IDO2: variants seen among roughly 807,000 people sequenced by gnomAD.
IDO2 encodes indoleamine 2,3-dioxygenase 2, also known as indoleamine 2,3-dioxygenase-like 1 protein.
Under a neutral mutation model 45.1 loss-of-function variants are expected in IDO2, and 46 were observed. The ratio of observed to expected loss-of-function variants is 1.02; its 90% CI spans 0.80 to 1.30. The LOEUF is 1.30. Ranked by LOEUF, IDO2 falls within the 50% of genes most tolerant of loss-of-function variation. The pLI is 0.00. For missense variants in IDO2, 544 were observed against 491.8 expected, an observed-to-expected ratio of 1.11 and a Z score of -1.00; for synonymous variants, 218 against 184.9, an observed-to-expected ratio of 1.18 and a Z score of -1.45.
At chr8:39,939,837 G>A (rs1421898472) in intron 1 of IDO2, among the ~76,000 whole-genome samples, 2 of 152,110 alleles carry the variant, frequency 1.3e-5, no homozygotes, top group Non-Finnish European at 2.9e-5. Flanking sequence ...CAGCGTTATC[G>A]ATTTAGAAAC....
chr8:39,998,788 A>G (rs2015859), intron 8 of IDO2, among the ~76,000 whole-genome samples: 111,066 of 151,058 alleles, frequency 0.74, 41,071 homozygotes, highest in East Asian at 0.92. Flanking sequence ...TTACAGGTGC[A>G]CACCACCACA....
At chr8:40,003,397 C>CAG (rs139330295) in intron 8 of IDO2, among the ~76,000 whole-genome samples, 1 of 143,910 alleles carries the variant, frequency 6.9e-6, no homozygotes, top group African/African-American at 2.6e-5. Flanking sequence ...AAAAAGAAAA[C>CAG]GAGAATATAT....
At chr8:39,981,061 C>T (rs1487593957) in intron 4 of IDO2, among the ~76,000 whole-genome samples, 1 of 100,584 alleles carries the variant, frequency 9.9e-6, no homozygotes, top group African/African-American at 3.2e-5. Context: ...CAGTGCATTG[C>T]ATTTTTTTTT....
intron 5 of IDO2, among the ~76,000 whole-genome samples, chr8:39,983,218 A>G (rs1342378570): frequency 1.3e-5 from 2 of 152,224 alleles, no homozygotes; most frequent in African/African-American, 4.8e-5. Context: ...TAATAATTCC[A>G]TCTATTCCAC....
intron 4 of IDO2, among the ~76,000 whole-genome samples, chr8:39,980,979 T>A (rs1337092814): frequency 6.6e-6 from 1 of 151,894 alleles, no homozygotes; most frequent in Admixed American, 6.6e-5. Context: ...CTCGAACTCC[T>A]GACCTCAGGT....
Position 39,976,000 on chromosome 8 carries a change from G to GA in IDO2, c.196-3066dup, listed in dbSNP as rs58079537. Reference sequence around the variant, plus strand: ...AAACTAAATAACCAATATATTTTGAGATGGTGTCTCACTTTGTCCTCCAGG... The same window carrying GA: ...AAACTAAATAACCAATATATTTTGAGAATGGTGTCTCACTTTGTCCTCCAGG... On this transcript the variant is annotated intron_variant, in intron 3 of 10. Coordinates refer to ENST00000502986, the Ensembl canonical transcript of IDO2. 1.0e-2 allele frequency among the ~76,000 whole-genome samples: 1,515 copies of GA among 152,132 alleles called. 22 individuals are homozygous for GA. The highest frequency in any genetic ancestry group is 0.034 in the African/African-American group (1,417 of 41,482).
intron 3 of IDO2, among the ~76,000 whole-genome samples, chr8:39,968,957 A>G (rs1808140469): frequency 6.6e-6 from 1 of 152,030 alleles, no homozygotes; most frequent in Non-Finnish European, 1.5e-5. Flanking sequence ...CGATGAAGAG[A>G]GTGGGGAGTA....
chr8:39,951,026 TCAAAACAAAA>T (rs71237202), intron 2 of IDO2, among the ~76,000 whole-genome samples: 21 of 147,596 alleles, frequency 1.4e-4, no homozygotes, highest in South Asian at 6.6e-4. Context: ...GAAACTCGTC[TCAAAACAAAA>T]CAAAACAAAA....
At chr8:40,006,367 A>T (rs1193179918) in intron 9 of IDO2, among the ~76,000 whole-genome samples, 3 of 152,232 alleles carry the variant, frequency 2.0e-5, no homozygotes, top group African/African-American at 7.2e-5. Context: ...TTCTGAGCAC[A>T]TTTAAGGGCA....
At chr8:39,996,122 G>A (rs1431411469) in intron 8 of IDO2, among the ~76,000 whole-genome samples, 1 of 151,328 alleles carries the variant, frequency 6.6e-6, no homozygotes, top group Non-Finnish European at 1.5e-5. Context: ...TAGCCGACCG[G>A]GAAAGGGAGT....
intron 1 of IDO2, among the ~76,000 whole-genome samples, chr8:39,946,305 A>C (rs1328459611): frequency 1.3e-5 from 2 of 152,200 alleles, no homozygotes; most frequent in East Asian, 3.8e-4. Flanking sequence ...TCAGGCCACC[A>C]AGTTGTCCTT....
At chr8:39,981,085 G>A (rs563476622) in intron 4 of IDO2, among the ~76,000 whole-genome samples, 106 of 145,746 alleles carry the variant, frequency 7.3e-4, no homozygotes, top group South Asian at 5.9e-3. Flanking sequence ...TTTTCGAGAC[G>A]GAGTCTCACT....
chr8:39,986,687 T>TAGATAGAC (rs1808428492), intron 6 of IDO2, among the ~76,000 whole-genome samples: 1 of 148,360 alleles, frequency 6.7e-6, no homozygotes, highest in African/African-American at 2.6e-5. Flanking sequence ...GATAGATAGA[T>TAGATAGAC]AGATAGATAG....
intron 3 of IDO2, among the ~76,000 whole-genome samples, chr8:39,969,226 A>T (rs80248313): frequency 0.016 from 2,512 of 152,288 alleles, 71 homozygotes; most frequent in African/African-American, 0.058. Context: ...CATTTTTCCA[A>T]TAGTGTGTAC....
intron 2 of IDO2, among the ~76,000 whole-genome samples, chr8:39,960,375 C>G (rs935944279): frequency 2.6e-5 from 4 of 152,228 alleles, no homozygotes; most frequent in African/African-American, 9.6e-5. Context: ...TCTCTCTCCT[C>G]CTTTGCTTCT....
chr8:39,953,274 G>A (rs1340394348), intron 2 of IDO2, among the ~76,000 whole-genome samples: 2 of 152,150 alleles, frequency 1.3e-5, no homozygotes, highest in South Asian at 2.1e-4. Context: ...CTCAAAGAAT[G>A]TTACATGCAA....
At chr8:39,965,575 T>C (rs1808073102) in intron 3 of IDO2, among the ~76,000 whole-genome samples, 1 of 152,166 alleles carries the variant, frequency 6.6e-6, no homozygotes, top group South Asian at 2.1e-4. Flanking sequence ...AGAAGTCATG[T>C]TCATGCATAA....
At chr8:39,968,472 T>A (rs995434031) in intron 3 of IDO2, among the ~76,000 whole-genome samples, 1 of 152,116 alleles carries the variant, frequency 6.6e-6, no homozygotes, top group Non-Finnish European at 1.5e-5. Context: ...GAAAAACCCA[T>A]GGAATTGTAT....
chr8:39,938,123 T>A (rs1382377454), intron 1 of IDO2, among the ~76,000 whole-genome samples: 1 of 152,224 alleles, frequency 6.6e-6, no homozygotes, highest in Non-Finnish European at 1.5e-5. Flanking sequence ...GATATTAGAA[T>A]ATGTTTGTTT....
Sources: allele counts gnomAD v4.1 joint callset (sites outside exome capture counted in the v4.1 genomes callset), GRCh38; gene constraint gnomAD v4.1.1; transcripts MANE v1.5; gene names NCBI Gene and HGNC (gene_info 2026-07-23, HGNC 2026-07-21).